CDH7: variants seen among roughly 807,000 people sequenced by gnomAD.
The protein encoded by CDH7 is cadherin 7.
CDH7 carries 25 observed loss-of-function variants against 71.8 expected under a neutral mutation model. The ratio of observed to expected loss-of-function variants is 0.35; its 90% CI spans 0.25 to 0.49. The LOEUF is 0.49. CDH7 is among the 20% of genes least tolerant of loss of function. The pLI, the probability that CDH7 is intolerant of heterozygous loss-of-function variation, is 0.99. For synonymous variants in CDH7, 381 were observed against 363.8 expected, an observed-to-expected ratio of 1.05 and a Z score of -0.54; for missense variants, 862 against 974.6, an observed-to-expected ratio of 0.88 and a Z score of 1.54.
chr18:65,828,835 CT>C (rs1211379892), intron 6 of CDH7, among the ~76,000 whole-genome samples: 1 of 152,082 alleles, frequency 6.6e-6, no homozygotes, highest in African/African-American at 2.4e-5. Context: ...GCCTCTTACC[CT>C]GTACTTGGTT....
chr18:65,759,925 C>CAT (rs538454068), intron 1 of CDH7, among the ~76,000 whole-genome samples: 152 of 152,092 alleles, frequency 1.0e-3, no homozygotes, highest in South Asian at 7.5e-3. Context: ...AAGAATTATA[C>CAT]ATATATATAT....
At chr18:65,857,348 AT>A (rs1426635410) in intron 7 of CDH7, among the ~76,000 whole-genome samples, 25 of 145,496 alleles carry the variant, frequency 1.7e-4, no homozygotes, top group African/African-American at 5.9e-4. Flanking sequence ...AATAATAATA[AT>A]AATAATAATA....
At chr18:65,774,766 C>T (rs1241593490) in intron 2 of CDH7, among the ~76,000 whole-genome samples, 1 of 152,040 alleles carries the variant, frequency 6.6e-6, no homozygotes, top group Non-Finnish European at 1.5e-5. Context: ...GGTTATACCC[C>T]CCTGATGATG....
At chr18:65,791,818 G>A (rs1015987310) in intron 2 of CDH7, among the ~76,000 whole-genome samples, 1 of 152,088 alleles carries the variant, frequency 6.6e-6, no homozygotes, top group Non-Finnish European at 1.5e-5. Context: ...TTTAGAATAT[G>A]GCAGAATTAT....
chr18:65,804,501 G>A (rs2143892314), intron 2 of CDH7, among the ~76,000 whole-genome samples: 1 of 152,232 alleles, frequency 6.6e-6, no homozygotes, highest in South Asian at 2.1e-4. Context: ...ATTGAAAGTG[G>A]TAGACCAGGT....
intron 1 of CDH7, among the ~76,000 whole-genome samples, chr18:65,754,541 T>C (rs1277660937): frequency 6.6e-6 from 1 of 152,226 alleles, no homozygotes; most frequent in African/African-American, 2.4e-5. Context: ...GAATGTGATG[T>C]TAAACTTTAA....
chr18:65,800,209 A>G (rs1310848548), intron 2 of CDH7, among the ~76,000 whole-genome samples: 1 of 152,042 alleles, frequency 6.6e-6, no homozygotes, highest in East Asian at 1.9e-4. Flanking sequence ...CCTCCCGAGT[A>G]GCTGGGACTA....
At chr18:65,766,070 A>G (rs1916355509) in intron 2 of CDH7, among the ~76,000 whole-genome samples, 1 of 152,120 alleles carries the variant, frequency 6.6e-6, no homozygotes, top group Non-Finnish European at 1.5e-5. Context: ...GAAAGCCGGT[A>G]TTATTTTATG....
At chr18:65,880,356 T>C in intron 11 of CDH7, 45 bp from the exon 12 acceptor site, 1 of 1,508,492 alleles carries the variant, frequency 6.6e-7, no homozygotes, top group South Asian at 1.4e-5. Flanking sequence ...CGTGGGGCAA[T>C]GGGTGAGTTT....
At chr18:65,875,274 T>C (rs1914041705) in intron 11 of CDH7, among the ~76,000 whole-genome samples, 1 of 152,176 alleles carries the variant, frequency 6.6e-6, no homozygotes, top group East Asian at 1.9e-4. Context: ...AAAGAAGGGA[T>C]ACTTATTGTA....
intron 2 of CDH7, among the ~76,000 whole-genome samples, chr18:65,804,041 CAGTG>C (rs574333675): frequency 2.0e-5 from 3 of 152,174 alleles, no homozygotes; most frequent in South Asian, 2.1e-4. Context: ...GTCAATAAGT[CAGTG>C]AGCATCACAG....
At chr18:65,843,665 G>T in intron 6 of CDH7, 147 bp from the exon 7 acceptor site, 1 of 616,432 alleles carries the variant, frequency 1.6e-6, no homozygotes, top group Non-Finnish European at 2.6e-6. Flanking sequence ...AAATCTGATT[G>T]GCATTGTTAT....
chr18:65,848,677 C>G (rs1371907078), intron 7 of CDH7, among the ~76,000 whole-genome samples: 1 of 151,602 alleles, frequency 6.6e-6, no homozygotes, highest in Non-Finnish European at 1.5e-5. Flanking sequence ...AGTTCCTATA[C>G]TAAAAATGGC....
At position 65,822,124 on chromosome 18, in the gene CDH7, A is replaced by G. The variant is rs775028542; in HGVS notation, c.669A>G (p.Lys223=). The G allele has an allele frequency of 6.2e-6, 10 of 1,613,180 alleles. No individual in the cohort carries two copies. Among genetic ancestry groups the G allele is most frequent in the Non-Finnish European group, 7.6e-6 (9 of 1,179,338 alleles). ...TTCCAAACATGGATAGAGAGGCTAAAGACCAGTATTTGCTTGTCATTCAGG... is the reference window on the plus strand; with the variant it reads ...TTCCAAACATGGATAGAGAGGCTAAGGACCAGTATTTGCTTGTCATTCAGG... ...TALPNMDREA[K]DQYLLVIQAK... is the part of the protein sequence containing the mutation. Residue 223 remains lysine (K), a synonymous_variant, in exon 5 of 12, where the codon AAA becomes AAG. Transcript: ENST00000397968.
At chr18:65,797,624 A>G (rs1225101396) in intron 2 of CDH7, among the ~76,000 whole-genome samples, 1 of 152,190 alleles carries the variant, frequency 6.6e-6, no homozygotes, top group Non-Finnish European at 1.5e-5. Context: ...ACAATTACAT[A>G]TCCCATGGAG....
chr18:65,781,860 T>C lies in CDH7; in HGVS notation c.210+18808T>C, dbSNP rs868067986. On this transcript the variant is annotated intron_variant, in intron 2 of 11. Coordinates refer to ENST00000397968, the MANE Select transcript of CDH7 (RefSeq NM_004361.5). ...TTTCTTTCTTTCTTTCTTTCTTTCT[T>C]TCTTTCTCTCTCTCTCTCTGTCTCT... Among the ~76,000 whole-genome samples, 90 of 70,330 alleles carry C rather than the reference T, an allele frequency of 1.3e-3. 5 individuals are homozygous for C. The highest frequency in any genetic ancestry group is 9.3e-3 in the African/African-American group (74 of 7,974). 46.1% of individuals were successfully genotyped at this position (70,330 alleles called of 152,430 possible).
chr18:65,850,461 G>T (rs896901306), intron 7 of CDH7, among the ~76,000 whole-genome samples: 2 of 151,786 alleles, frequency 1.3e-5, no homozygotes, highest in African/African-American at 2.4e-5. Context: ...GAGGAGTAGG[G>T]TTCCTCTGTA....
chr18:65,793,601 T>A (rs1910795283), intron 2 of CDH7, among the ~76,000 whole-genome samples: 1 of 152,190 alleles, frequency 6.6e-6, no homozygotes, highest in Non-Finnish European at 1.5e-5. Context: ...TTGTTAATGG[T>A]GGTGATTATA....
chr18:65,797,602 A>G (rs1385988908), intron 2 of CDH7, among the ~76,000 whole-genome samples: 1 of 152,138 alleles, frequency 6.6e-6, no homozygotes, highest in Admixed American at 6.5e-5. Flanking sequence ...TATCTGCTCT[A>G]TTTTAGAAGA....
Sources: allele counts gnomAD v4.1 joint callset (sites outside exome capture counted in the v4.1 genomes callset), GRCh38; gene constraint gnomAD v4.1.1; transcripts MANE v1.5; gene names NCBI Gene and HGNC (gene_info 2026-07-23, HGNC 2026-07-21).